Variants in CPO observed in about 807,000 individuals in gnomAD.
The protein encoded by CPO is carboxypeptidase O.
In CPO, 43 loss-of-function variants were observed where a neutral mutation model predicts 41.2. The observed-to-expected ratio is 1.04, with a 90% CI of 0.82 to 1.35. The LOEUF (loss-of-function observed/expected upper bound fraction) is 1.35. Among genes scored for constraint, CPO ranks in the 40% most tolerant of loss-of-function variants. CPO has a pLI of 0.00. For missense variants in CPO, 408 were observed against 451.7 expected (o/e 0.90, Z 0.88); for synonymous variants, 178 against 162.7 (o/e 1.09, Z -0.72).
intron 3 of CPO, among the ~76,000 whole-genome samples, chr2:206,957,371 G>T (rs1218759464): frequency 7.2e-6 from 1 of 138,050 alleles, no homozygotes; most frequent in African/African-American, 2.6e-5. Context: ...GCGAGACTCT[G>T]TCTCAAAAAA....
chr2:206,954,424 G>A (rs1235783657), intron 2 of CPO, among the ~76,000 whole-genome samples: 1 of 152,068 alleles, frequency 6.6e-6, no homozygotes, highest in East Asian at 1.9e-4. Context: ...CTTTGCTTCA[G>A]TTCTCAGCAA....
At chr2:206,949,124 A>C (rs557514239) in intron 1 of CPO, among the ~76,000 whole-genome samples, 2 of 152,234 alleles carry the variant, frequency 1.3e-5, no homozygotes, top group Admixed American at 6.5e-5. Flanking sequence ...ACAGTGGTTA[A>C]TATTGCAAGG....
At chr2:206,961,575 T>C (rs891063023) in intron 6 of CPO, among the ~76,000 whole-genome samples, 1 of 152,162 alleles carries the variant, frequency 6.6e-6, no homozygotes, top group African/African-American at 2.4e-5. Flanking sequence ...ATGGGAAGTG[T>C]TGGGCACAGT....
intron 1 of CPO, among the ~76,000 whole-genome samples, chr2:206,943,706 A>AGAT (rs1486177333): frequency 2.7e-5 from 2 of 75,258 alleles, no homozygotes; most frequent in Non-Finnish European, 6.1e-5. Context: ...ATAGATAGAT[A>AGAT]GATAGATAGA....
intron 2 of CPO, among the ~76,000 whole-genome samples, chr2:206,952,279 A>T (rs1693279398): frequency 6.6e-6 from 1 of 151,762 alleles, no homozygotes; most frequent in African/African-American, 2.4e-5. Context: ...TGCCCAGCTA[A>T]TTTTTTTGTA....
chr2:206,966,515 C>G (rs1693579749), intron 7 of CPO, among the ~76,000 whole-genome samples: 2 of 152,138 alleles, frequency 1.3e-5, no homozygotes, highest in African/African-American at 4.8e-5. Flanking sequence ...TCCTGCCCAC[C>G]CCTCCCTCTC....
chr2:206,962,470 T>C lies in CPO; in HGVS notation c.633T>C (p.Ser211=), dbSNP rs1693498065. 6.2e-7 allele frequency: 1 copy of C among 1,614,080 alleles called. No individual in the cohort carries two copies. ...CATTCTGTGGGACAGGGCCAGTGTC[T>C]GAACCAGAGACTAAAGCTGTTGCCA... ...DQTFCGTGPV[S]EPETKAVASF... is the part of the protein sequence containing the mutation. The change falls in exon 7 of 9, where the codon TCT becomes TCC. Residue 211 remains serine (S), a synonymous_variant. Transcript: ENST00000272852.
intron 1 of CPO, among the ~76,000 whole-genome samples, chr2:206,943,761 GA>G (rs1693086818): frequency 6.9e-6 from 1 of 145,958 alleles, no homozygotes; most frequent in Non-Finnish European, 1.5e-5. Context: ...TAGATAGATA[GA>G]TAGATAGATA....
At chr2:206,966,419 C>T (rs1408885673) in intron 7 of CPO, among the ~76,000 whole-genome samples, 1 of 152,086 alleles carries the variant, frequency 6.6e-6, no homozygotes, top group African/African-American at 2.4e-5. Flanking sequence ...TCTTAAAGAA[C>T]TTCAGAAGGG....
At chr2:206,968,511 G>A (rs1046888360) in intron 8 of CPO, among the ~76,000 whole-genome samples, 164 bp downstream of exon 8, 5 of 152,112 alleles carry the variant, frequency 3.3e-5, no homozygotes, top group African/African-American at 1.2e-4. Context: ...GTACAAATCC[G>A]GAATTATACT....
intron 1 of CPO, among the ~76,000 whole-genome samples, chr2:206,940,773 A>C (rs184510347): frequency 1.6e-3 from 250 of 152,202 alleles, no homozygotes; most frequent in African/African-American, 5.7e-3. Context: ...GGTTAAAGAA[A>C]TCTTGCAATG....
In CPO at chr2:206,969,317, G is replaced by A; in HGVS notation, c.1006G>A (p.Ala336Thr). ...IQPTCEETME[A>T]VLSVLDDVYA... Reference sequence around the variant, plus strand: ...GCCCACCTGTGAGGAGACCATGGAGGCTGTGCTGTCAGTCCTGGATGATGT... The same window carrying A: ...GCCCACCTGTGAGGAGACCATGGAGACTGTGCTGTCAGTCCTGGATGATGT... The change falls in exon 9 of 9, where the codon GCT becomes ACT. Residue 336 changes from alanine to threonine, a missense_variant. By Grantham distance (58) the Ala-to-Thr change is moderately conservative (BLOSUM62 0). Transcript: ENST00000272852. 6.2e-7 allele frequency: 1 copy of A among 1,614,080 alleles called. No individual in the cohort carries two copies. Among genetic ancestry groups the A allele is most frequent in the Non-Finnish European group, 8.5e-7 (1 of 1,179,990 alleles).
chr2:206,969,325 G>C lies in CPO; in HGVS notation c.1014G>C (p.Leu338=), dbSNP rs139758524. The C allele has an allele frequency of 3.1e-4, 495 of 1,613,952 alleles. No homozygotes were observed. Among genetic ancestry groups the C allele is most frequent in the Non-Finnish European group, 3.9e-4 (460 of 1,180,024 alleles). Residue 338 remains leucine, a synonymous_variant, in exon 9 of 9, where the codon CTG becomes CTC. Coordinates refer to ENST00000272852, the MANE Select transcript of CPO (RefSeq NM_173077.3). ...GTGAGGAGACCATGGAGGCTGTGCT[G>C]TCAGTCCTGGATGATGTGTATGCGA... ...PTCEETMEAV[L]SVLDDVYAKH...
chr2:206,943,771 T>TAA (rs1294848402), intron 1 of CPO, among the ~76,000 whole-genome samples: 4 of 141,262 alleles, frequency 2.8e-5, no homozygotes, highest in African/African-American at 1.1e-4. Context: ...GATAGATAGA[T>TAA]AGATAGATGA....
At chr2:206,952,763 A>C (rs1204834582) in intron 2 of CPO, among the ~76,000 whole-genome samples, 1 of 152,190 alleles carries the variant, frequency 6.6e-6, no homozygotes, top group African/African-American at 2.4e-5. Context: ...ATGGTGTATT[A>C]GTCTGTTCTC....
At chr2:206,968,564 G>C (rs577323242) in intron 8 of CPO, among the ~76,000 whole-genome samples, 1 of 152,156 alleles carries the variant, frequency 6.6e-6, no homozygotes, top group Non-Finnish European at 1.5e-5. Flanking sequence ...GAATTAATGC[G>C]TTGGCTCAGA....
chr2:206,960,008 T>G (rs1010316028), intron 5 of CPO, among the ~76,000 whole-genome samples: 12 of 152,204 alleles, frequency 7.9e-5, no homozygotes, highest in Non-Finnish European at 4.4e-5. Flanking sequence ...ATCTTCTTAA[T>G]GTTTGTGGAT....
intron 1 of CPO, among the ~76,000 whole-genome samples, chr2:206,940,717 CATG>C (rs1213746257): frequency 7.2e-5 from 11 of 151,958 alleles, no homozygotes; most frequent in African/African-American, 2.7e-4. Flanking sequence ...TAGCATATCT[CATG>C]AAGTATATGT....
At chr2:206,944,161 T>C (rs1385260914) in intron 1 of CPO, among the ~76,000 whole-genome samples, 1 of 152,040 alleles carries the variant, frequency 6.6e-6, no homozygotes, top group African/African-American at 2.4e-5. Context: ...AAGATAATAA[T>C]ATAAAGTGCT....
Sources: allele counts gnomAD v4.1 joint callset (sites outside exome capture counted in the v4.1 genomes callset), GRCh38; gene constraint gnomAD v4.1.1; transcripts MANE v1.5; gene names NCBI Gene and HGNC (gene_info 2026-07-23, HGNC 2026-07-21).